The following SLC35F1 variants were observed in gnomAD, a reference collection of about 807,000 sequenced individuals.
SLC35F1 encodes chromosome 6 open reading frame 169.
SLC35F1 carries 14 observed loss-of-function variants against 48.7 expected under a neutral mutation model. The observed-to-expected ratio is 0.29, with a 90% CI of 0.19 to 0.45. The LOEUF (loss-of-function observed/expected upper bound fraction) is 0.45, where lower values mean the gene tolerates loss of function less well. Among genes scored for constraint, SLC35F1 ranks in the 20% least tolerant of loss-of-function variants. SLC35F1 has a pLI of 1.00. For missense variants in SLC35F1, 404 were observed against 500.0 expected (o/e 0.81, Z 1.83); for synonymous variants, 190 against 202.2 (o/e 0.94, Z 0.51).
intron 1 of SLC35F1, among the ~76,000 whole-genome samples, chr6:118,036,966 T>A (rs185514174): frequency 5.9e-4 from 90 of 152,338 alleles, no homozygotes; most frequent in Non-Finnish European, 1.3e-4. Flanking sequence ...CTGTTAATTT[T>A]TGTAACATAT....
rs1776270760 is a variant in SLC35F1, at chr6:117,944,586, T to TAAACACACACACACACACACACAC, written c.173+36688_173+36689insAACACACACACACACACACACACA. Among the ~76,000 whole-genome samples the TAAACACACACACACACACACACAC allele has an allele frequency of 2.0e-5, 3 of 146,388 alleles. No individual in the cohort carries two copies. In the South Asian group the frequency reaches 6.6e-4, roughly 32 times the overall value. ...ATCCCCCTCTCCCAAAACACACACA[T>TAAACACACACACACACACACACAC]ACACATACACACACACACACACACA... On this transcript the variant is annotated intron_variant, in intron 1 of 7. Coordinates refer to ENST00000360388, the MANE Select transcript of SLC35F1 (RefSeq NM_001029858.4).
intron 1 of SLC35F1, among the ~76,000 whole-genome samples, chr6:118,002,129 C>T (rs1777108029): frequency 6.7e-6 from 1 of 150,048 alleles, no homozygotes; most frequent in African/African-American, 2.5e-5. Flanking sequence ...ATAAATCATG[C>T]TGCTATAAAG....
intron 1 of SLC35F1, among the ~76,000 whole-genome samples, chr6:118,125,064 A>G (rs1272182247): frequency 1.3e-5 from 2 of 152,192 alleles, no homozygotes; most frequent in African/African-American, 4.8e-5. Flanking sequence ...TTGATGGCAT[A>G]AGAAACTATT....
intron 1 of SLC35F1, among the ~76,000 whole-genome samples, chr6:118,019,898 T>A (rs908167593): frequency 2.0e-5 from 3 of 152,180 alleles, no homozygotes; most frequent in Non-Finnish European, 4.4e-5. Flanking sequence ...TAGAATAACA[T>A]ATTATTCTAA....
At chr6:118,294,705 TGCTG>T (rs1776162865) in intron 7 of SLC35F1, among the ~76,000 whole-genome samples, 1 of 152,186 alleles carries the variant, frequency 6.6e-6, no homozygotes, top group African/African-American at 2.4e-5. Context: ...TGGCTCTCCA[TGCTG>T]AACAGGCTGA....
At chr6:118,122,580 G>T (rs146181905) in intron 1 of SLC35F1, among the ~76,000 whole-genome samples, 169 of 152,296 alleles carry the variant, frequency 1.1e-3, no homozygotes, top group African/African-American at 4.0e-3. Context: ...TATTGTGCGC[G>T]TTTAGTATAC....
At chr6:118,146,697 G>C (rs1453494795) in intron 1 of SLC35F1, among the ~76,000 whole-genome samples, 1 of 151,756 alleles carries the variant, frequency 6.6e-6, no homozygotes, top group East Asian at 1.9e-4. Context: ...AAACTTCCTG[G>C]AGGCAGGGCC....
intron 1 of SLC35F1, 142 bp downstream of exon 1, chr6:117,908,041 G>A: frequency 2.4e-6 from 2 of 849,478 alleles, no homozygotes; most frequent in Non-Finnish European, 3.1e-6. Context: ...GGGCGACGAC[G>A]CGCTCCGCGG....
intron 1 of SLC35F1, among the ~76,000 whole-genome samples, chr6:118,064,029 G>C (rs576957720): frequency 4.6e-5 from 7 of 152,308 alleles, no homozygotes; most frequent in African/African-American, 1.7e-4. Flanking sequence ...AAAGAAAGAG[G>C]TTTAATGGAC....
At chr6:117,969,325 A>G (rs1244958428) in intron 1 of SLC35F1, among the ~76,000 whole-genome samples, 9 of 152,248 alleles carry the variant, frequency 5.9e-5, no homozygotes, top group African/African-American at 1.4e-4. Flanking sequence ...ATAGGAAGGT[A>G]TATAGAGATC....
In SLC35F1 at chr6:117,907,537, G is replaced by C. The variant is rs1775703422; in HGVS notation, c.-190G>C. Reference sequence around the variant, plus strand: ...AGGGTGCGCGCACTGGGACTGGAGAGGAGTGAGTGGCGGGCTGGGCGGCGG... The same window carrying C: ...AGGGTGCGCGCACTGGGACTGGAGACGAGTGAGTGGCGGGCTGGGCGGCGG... On this transcript the variant is annotated 5_prime_UTR_variant, in exon 1 of 8. Coordinates refer to ENST00000360388, the MANE Select transcript of SLC35F1 (RefSeq NM_001029858.4). The C allele has an allele frequency of 2.8e-6, 1 of 357,442 alleles. No individual in the cohort carries two copies. Among genetic ancestry groups the C allele is most frequent in the African/African-American group, 2.2e-5 (1 of 46,072 alleles). The allele number at this position is 357,442 out of a possible 1,614,324, so 22.1% of individuals were successfully genotyped here.
At chr6:118,243,010 G>A (rs1045256046) in intron 3 of SLC35F1, among the ~76,000 whole-genome samples, 7 of 152,118 alleles carry the variant, frequency 4.6e-5, no homozygotes, top group Admixed American at 1.3e-4. Context: ...TTTATTTTCT[G>A]CACCACTCCT....
intron 1 of SLC35F1, among the ~76,000 whole-genome samples, chr6:117,986,372 C>T (rs1441248673): frequency 6.6e-6 from 1 of 152,176 alleles, no homozygotes; most frequent in African/African-American, 2.4e-5. Context: ...TTATACTACC[C>T]TAATTGTTCA....
rs372968359 is a variant in SLC35F1 at position 118,066,203 on chromosome 6, A to G, written c.174-88242A>G. ...AACATTGGAATTTGGCTTATTTCTA[A>G]TATTTAAATCATTTAACTGCCATGC... is the stretch of plus-strand genomic sequence containing the variant. On this transcript the variant is annotated intron_variant, in intron 1 of 7. Transcript: ENST00000360388. Among the ~76,000 whole-genome samples, 30 of 152,318 alleles carry G rather than the reference A, an allele frequency of 2.0e-4. No homozygotes were observed. In the East Asian group the frequency reaches 4.2e-3, roughly 22 times the overall value.
chr6:118,181,529 G>C (rs982709878), intron 2 of SLC35F1, among the ~76,000 whole-genome samples: 2 of 152,074 alleles, frequency 1.3e-5, no homozygotes, highest in Middle Eastern at 6.3e-3. Flanking sequence ...GGGAAAATGT[G>C]CAGCAGAGAG....
intron 5 of SLC35F1, among the ~76,000 whole-genome samples, chr6:118,276,927 A>G (rs1315482335): frequency 6.6e-6 from 1 of 152,178 alleles, no homozygotes; most frequent in Non-Finnish European, 1.5e-5. Flanking sequence ...ATTCTCTTCT[A>G]GATGAGAGGT....
At position 118,017,962 on chromosome 6, in the gene SLC35F1, ATTCT is replaced by A. The variant is rs369700353; in HGVS notation, c.173+110066_173+110069del. ...ATAAGTGATCATTATCAGAATCTGGATTCTTTAAGTGGAAGGAGTGTTAGACTTT... is the reference window on the plus strand; with the variant it reads ...ATAAGTGATCATTATCAGAATCTGGATTAAGTGGAAGGAGTGTTAGACTTT... On this transcript the variant is annotated intron_variant, in intron 1 of 7. Transcript: ENST00000360388. Among the ~76,000 whole-genome samples, 36 of 152,356 alleles carry A rather than the reference ATTCT, an allele frequency of 2.4e-4. No homozygotes were observed. The East Asian group carries it at 6.4e-3, about 27-fold the overall frequency.
intron 7 of SLC35F1, among the ~76,000 whole-genome samples, chr6:118,294,758 A>T (rs1408960455): frequency 6.6e-6 from 1 of 152,156 alleles, no homozygotes; most frequent in Non-Finnish European, 1.5e-5. Flanking sequence ...TCTTAGGAAG[A>T]TATGGGCTCC....
intron 1 of SLC35F1, among the ~76,000 whole-genome samples, chr6:118,099,302 A>T (rs1238950432): frequency 7.9e-5 from 12 of 152,228 alleles, no homozygotes; most frequent in Admixed American, 6.5e-4. Context: ...CACCACTGCC[A>T]AAGTTCCTGA....
Sources: allele counts gnomAD v4.1 joint callset (sites outside exome capture counted in the v4.1 genomes callset), GRCh38; gene constraint gnomAD v4.1.1; transcripts MANE v1.5; gene names NCBI Gene and HGNC (gene_info 2026-07-23, HGNC 2026-07-21).